AP2A1: variants seen among roughly 807,000 people sequenced by gnomAD.
AP2A1 encodes the protein AP-2 complex subunit alpha-1.
In AP2A1, 21 loss-of-function variants were observed where a neutral mutation model predicts 107.3. The observed-to-expected ratio is 0.20, with a 90% CI of 0.14 to 0.28. The LOEUF (loss-of-function observed/expected upper bound fraction) is 0.28. AP2A1 is among the 10% of genes least tolerant of loss of function. The pLI is 1.00. For synonymous variants in AP2A1, 602 were observed against 564.8 expected, an observed-to-expected ratio of 1.07 and a Z score of -0.93; for missense variants, 873 against 1,307.7, an observed-to-expected ratio of 0.67 and a Z score of 5.13.
intron 22 of AP2A1, 85 bp downstream of exon 22, chr19:49,806,338 A>C: frequency 1.4e-6 from 2 of 1,453,474 alleles, no homozygotes; most frequent in South Asian, 2.8e-5. Flanking sequence ...ACTGTTCTTT[A>C]ATTCACGTCC....
chr19:49,783,631 G>A (rs1334579744), intron 4 of AP2A1, among the ~76,000 whole-genome samples: 1 of 152,206 alleles, frequency 6.6e-6, no homozygotes, highest in Non-Finnish European at 1.5e-5. Context: ...CAGGCCACAA[G>A]CTAAGAGAAG....
At position 49,801,753 on chromosome 19, in the gene AP2A1, C is replaced by A; in HGVS notation, c.1817C>A (p.Pro606His). The change falls in exon 14 of 23, where the codon CCC becomes CAC. Residue 606 changes from proline (P) to histidine (H), a missense_variant. Around this residue, in one of 4 missense-constraint regions of AP2A1, gnomAD observed 416 missense variants for 473.4 expected, o/e 0.88. Coordinates refer to ENST00000354293, the MANE Select transcript of AP2A1 (RefSeq NM_130787.3). ...ATVLEEMPPF[P>H]ERESSILAKL... is the part of the protein sequence containing the mutation. ...GTGCTGGAGGAGATGCCGCCCTTCCCCGAGCGCGAGTCGTCCATCCTGGCC... is the reference window on the plus strand; with the variant it reads ...GTGCTGGAGGAGATGCCGCCCTTCCACGAGCGCGAGTCGTCCATCCTGGCC... 1 of 1,567,806 alleles carries A rather than the reference C, an allele frequency of 6.4e-7. No homozygotes were observed. The highest frequency in any genetic ancestry group is 2.4e-5 in the East Asian group (1 of 42,518).
rs1410939260 is a variant in AP2A1, at chr19:49,806,803, C to T, written c.*45C>T. On this transcript the variant is annotated 3_prime_UTR_variant, in exon 23 of 23. Coordinates refer to ENST00000354293, the MANE Select transcript of AP2A1 (RefSeq NM_130787.3). ...GGGATGTGGCCGGCACTGGGCAGCC[C>T]CTTGGACTGAGGCAGTTTTGGTGGA... is the stretch of plus-strand genomic sequence containing the variant. 2 of 1,611,780 alleles carry T rather than the reference C, an allele frequency of 1.2e-6. No homozygotes were observed. The highest frequency in any genetic ancestry group is 1.1e-5 in the South Asian group (1 of 90,884).
At chr19:49,769,296 C>G (rs760436259) in intron 1 of AP2A1, among the ~76,000 whole-genome samples, 3 of 152,146 alleles carry the variant, frequency 2.0e-5, no homozygotes, top group Non-Finnish European at 4.4e-5. Flanking sequence ...CTTGGGAGCT[C>G]CCTTCCCCGA....
intron 1 of AP2A1, among the ~76,000 whole-genome samples, chr19:49,769,880 C>T (rs564658620): frequency 6.6e-6 from 1 of 151,798 alleles, no homozygotes; most frequent in Non-Finnish European, 1.5e-5. Flanking sequence ...GTTGGTGATA[C>T]ATTTTTTTTT....
chr19:49,791,673 G>A (rs1266166488), intron 4 of AP2A1, among the ~76,000 whole-genome samples: 1 of 152,196 alleles, frequency 6.6e-6, no homozygotes, highest in Non-Finnish European at 1.5e-5. Context: ...TAGGTGCTTG[G>A]TGAATGAATG....
intron 1 of AP2A1, among the ~76,000 whole-genome samples, chr19:49,777,328 A>G (rs1312608919): frequency 1.3e-5 from 2 of 152,028 alleles, no homozygotes; most frequent in African/African-American, 4.8e-5. Flanking sequence ...AATACAATTT[A>G]AGTAATACTT....
At chr19:49,774,660 C>T (rs967114812) in intron 1 of AP2A1, among the ~76,000 whole-genome samples, 2 of 152,044 alleles carry the variant, frequency 1.3e-5, no homozygotes, top group African/African-American at 4.8e-5. Flanking sequence ...TGGTGGCTCA[C>T]GCCTGTAATC....
Position 49,801,887 on chromosome 19 carries a change from G to T in AP2A1, c.1951G>T (p.Val651Leu). The change falls in exon 14 of 23, where the codon GTG becomes TTG. Residue 651 changes from valine (V) to leucine (L), a missense_variant and splice_region_variant. Physicochemically the swap from Val to Leu is conservative, Grantham distance 32 (BLOSUM62 1). Around this residue, in one of 4 missense-constraint regions of AP2A1, gnomAD observed 416 missense variants for 473.4 expected, o/e 0.88. Coordinates refer to ENST00000354293, the MANE Select transcript of AP2A1 (RefSeq NM_130787.3). ...NGGMEPTPST[V>L]STPSPSADLL... is the part of the protein sequence containing the mutation. ...GGGCATGGAGCCCACCCCCAGCACT[G>T]TGGTGAGTCCCCTGGGGTGGGCCCT... The T allele has an allele frequency of 6.7e-7, 1 of 1,484,410 alleles. No individual in the cohort carries two copies. The highest frequency in any genetic ancestry group is 8.9e-7 in the Non-Finnish European group (1 of 1,121,318). The allele number at this position is 1,484,410 out of a possible 1,614,324, so 92.0% of individuals were successfully genotyped here.
At chr19:49,806,472 C>T (rs951048419) in intron 22 of AP2A1, 9 of 1,440,156 alleles carry the variant, frequency 6.2e-6, no homozygotes, top group Non-Finnish European at 5.5e-6. Flanking sequence ...CTGATTTCTA[C>T]CTTTCCATAT....
intron 4 of AP2A1, among the ~76,000 whole-genome samples, chr19:49,783,014 C>T (rs1416988133): frequency 2.0e-5 from 3 of 152,334 alleles, no homozygotes; most frequent in Admixed American, 6.5e-5. Flanking sequence ...ATGTGGGTGA[C>T]GGCCCTCCAG....
chr19:49,783,360 G>C (rs569904332), intron 4 of AP2A1, among the ~76,000 whole-genome samples: 1 of 152,074 alleles, frequency 6.6e-6, no homozygotes, highest in Non-Finnish European at 1.5e-5. Flanking sequence ...GCATGGTGGC[G>C]TGCACCTATA....
chr19:49,797,379 TTC>T (rs1471193324), intron 7 of AP2A1: 1 of 152,252 alleles, frequency 6.6e-6, no homozygotes, highest in Non-Finnish European at 1.5e-5. Flanking sequence ...GTTTATTTTC[TTC>T]TGAAATATTT....
rs1229379406 is a variant in AP2A1 at position 49,806,688 on chromosome 19, G to A, written c.2798G>A (p.Arg933Gln). 1.9e-6 allele frequency: 3 copies of A among 1,612,782 alleles called. No individual in the cohort carries two copies. The highest frequency in any genetic ancestry group is 2.5e-6 in the Non-Finnish European group (3 of 1,179,766). Residue 933 changes from arginine to glutamine, a missense_variant, in exon 23 of 23, where the codon CGG becomes CAG. Arg to Gln is a conservative substitution (Grantham distance 43, BLOSUM62 1). This residue lies in a region of AP2A1 where 416 missense variants were observed against 473.4 expected (regional missense o/e 0.88). Coordinates refer to ENST00000354293, the MANE Select transcript of AP2A1 (RefSeq NM_130787.3). ...CCCAATGCCCCCACCCAGATGTACC[G>A]GCTGACCCTGCGCACCAGCAAGGAG... ...LEPNAQAQMY[R>Q]LTLRTSKEPV...
At chr19:49,770,666 C>A (rs1319198396) in intron 1 of AP2A1, among the ~76,000 whole-genome samples, 1 of 152,150 alleles carries the variant, frequency 6.6e-6, no homozygotes, top group African/African-American at 2.4e-5. Context: ...CTGCTACATG[C>A]TGCCACAGGG....
At chr19:49,802,373 T>C (rs1312746156) in intron 15 of AP2A1, 4 of 904,448 alleles carry the variant, frequency 4.4e-6, no homozygotes, top group Non-Finnish European at 7.0e-6. Context: ...GTTGTCTCCT[T>C]TCCTGTCACC....
chr19:49,801,267 C>A, intron 12 of AP2A1, 123 bp from the exon 13 acceptor site: 1 of 1,071,592 alleles, frequency 9.3e-7, no homozygotes, highest in Non-Finnish European at 1.3e-6. Flanking sequence ...CTGGGGAGGG[C>A]CACTCCCCTC....
At chr19:49,768,785 A>G (rs955078535) in intron 1 of AP2A1, among the ~76,000 whole-genome samples, 2 of 152,174 alleles carry the variant, frequency 1.3e-5, no homozygotes, top group African/African-American at 4.8e-5. Flanking sequence ...GTGACCCTCC[A>G]CGAGTTGTTT....
chr19:49,799,461 A>G lies in AP2A1; in HGVS notation c.1100A>G (p.Lys367Arg). 1 of 1,611,982 alleles carries G rather than the reference A, an allele frequency of 6.2e-7. No homozygotes were observed. The highest frequency in any genetic ancestry group is 8.5e-7 in the Non-Finnish European group (1 of 1,179,486). ...ASSEFSHEAV[K>R]THIDTVINAL... The stretch of plus-strand genomic sequence containing the variant: ...TCCGAGTTCTCCCATGAAGCCGTCA[A>G]GACGCACATTGACACCGTCATCAAT... The change falls in exon 9 of 23, where the codon AAG (lysine) becomes AGG (arginine). Residue 367 changes from lysine to arginine, a missense_variant. By Grantham distance (26) the Lys-to-Arg change is conservative. Around this residue, in one of 4 missense-constraint regions of AP2A1, gnomAD observed 213 missense variants for 443.5 expected, o/e 0.48. Transcript: ENST00000354293.
Sources: gnomAD v4.1 joint callset for allele counts (sites outside exome capture counted in the v4.1 genomes callset) on GRCh38, gnomAD v4.1.1 for gene constraint, gnomAD v4.1.1 regional missense constraint, MANE v1.5 for transcripts, NCBI Gene and HGNC (gene_info 2026-07-23, HGNC 2026-07-21) for gene names.